Variants in ZSWIM5 observed in about 807,000 individuals in gnomAD.
ZSWIM5 encodes zinc finger SWIM-type containing 5.
ZSWIM5 carries 55 observed loss-of-function variants against 119.6 expected under a neutral mutation model. The ratio of observed to expected loss-of-function variants is 0.46; its 90% CI spans 0.37 to 0.58. ZSWIM5 has a LOEUF of 0.58. ZSWIM5 is among the 20% of genes least tolerant of loss of function. The pLI, the probability that ZSWIM5 is intolerant of heterozygous loss-of-function variation, is 0.00. For synonymous variants in ZSWIM5, 537 were observed against 606.9 expected, an observed-to-expected ratio of 0.88 and a Z score of 1.69; for missense variants, 1,193 against 1,512.8, an observed-to-expected ratio of 0.79 and a Z score of 3.51.
intron 2 of ZSWIM5, among the ~76,000 whole-genome samples, chr1:45,067,724 G>A (rs989500594): frequency 1.3e-5 from 2 of 152,124 alleles, no homozygotes. Context: ...CTCCCAGGCA[G>A]CATCTTTTCT....
intron 2 of ZSWIM5, among the ~76,000 whole-genome samples, chr1:45,078,423 C>T (rs1336293994): frequency 1.3e-5 from 2 of 152,166 alleles, no homozygotes; most frequent in Non-Finnish European, 2.9e-5. Flanking sequence ...CTTGCAGACC[C>T]ATAGAGGTAC....
intron 1 of ZSWIM5, among the ~76,000 whole-genome samples, chr1:45,096,854 G>C (rs911685218): frequency 3.3e-5 from 5 of 152,086 alleles, no homozygotes; most frequent in African/African-American, 9.7e-5. Flanking sequence ...TCTGCTTCCA[G>C]AAAAATCACT....
intron 5 of ZSWIM5, among the ~76,000 whole-genome samples, chr1:45,050,839 C>T (rs929193735): frequency 6.6e-6 from 1 of 152,146 alleles, no homozygotes; most frequent in African/African-American, 2.4e-5. Context: ...GGACATTATG[C>T]TGGGCACTGT....
At chr1:45,192,065 G>C (rs1007717585) in intron 1 of ZSWIM5, among the ~76,000 whole-genome samples, 12 of 152,106 alleles carry the variant, frequency 7.9e-5, no homozygotes. Context: ...TCTGTCTCTA[G>C]GATTTGCCTA....
chr1:45,174,332 A>C (rs150322759), intron 1 of ZSWIM5, among the ~76,000 whole-genome samples: 113 of 152,182 alleles, frequency 7.4e-4, no homozygotes, highest in African/African-American at 2.5e-3. Flanking sequence ...TCTTTTAATA[A>C]AAATAATTGG....
rs1390583985 is a variant in ZSWIM5, at chr1:45,044,826, TATATATATAA to T, written c.1433-1441_1433-1432del. Among the ~76,000 whole-genome samples the T allele has an allele frequency of 6.0e-4, 5 of 8,344 alleles. 1 individual carries two copies. Among genetic ancestry groups the T allele is most frequent in the African/African-American group, 2.1e-3 (5 of 2,358 alleles). The allele number at this position is 8,344 out of a possible 152,430, so 5.5% of individuals were successfully genotyped here. On this transcript the variant is annotated intron_variant, in intron 5 of 13. Coordinates refer to ENST00000359600, the MANE Select transcript of ZSWIM5 (RefSeq NM_020883.2). ...ATAAATATATATATATATATAAATA[TATATATATAA>T]ATATATATATATAGATTAGCCGGGC...
intron 5 of ZSWIM5, among the ~76,000 whole-genome samples, chr1:45,044,596 C>A (rs1221510407): frequency 7.7e-6 from 1 of 129,436 alleles, no homozygotes; most frequent in African/African-American, 2.9e-5. Flanking sequence ...TGGTGGCGGG[C>A]GCCTGTAGTC....
At chr1:45,069,038 C>T (rs977732350) in intron 2 of ZSWIM5, among the ~76,000 whole-genome samples, 1 of 151,724 alleles carries the variant, frequency 6.6e-6, no homozygotes, top group Admixed American at 6.6e-5. Flanking sequence ...TCTTGAACTC[C>T]TGGGCTCATG....
chr1:45,036,017 C>T, intron 9 of ZSWIM5, 22 bp downstream of exon 9: 2 of 1,608,404 alleles, frequency 1.2e-6, no homozygotes, highest in South Asian at 2.2e-5. Context: ...GACACCGTGA[C>T]AAGAGACTCT....
In ZSWIM5 at chr1:45,146,533, C is replaced by T. The variant is rs193086048; in HGVS notation, c.596-58296G>A. On this transcript the variant is annotated intron_variant, in intron 1 of 13. Transcript: ENST00000359600. The stretch of plus-strand genomic sequence containing the variant: ...TGGCTCACTGCAACCTCCGCTTCCC[C>T]GGTTCAAGCAATTCTCGTGCCTCAG... Among the ~76,000 whole-genome samples the T allele has an allele frequency of 4.5e-3, 674 of 149,112 alleles. 8 individuals are homozygous for T. Among genetic ancestry groups the T allele is most frequent in the African/African-American group, 0.016 (633 of 40,312 alleles).
intron 11 of ZSWIM5, among the ~76,000 whole-genome samples, chr1:45,030,683 A>T (rs901508039): frequency 6.6e-6 from 1 of 152,054 alleles, no homozygotes; most frequent in African/African-American, 2.4e-5. Flanking sequence ...TGTCTTTAGA[A>T]TCTGTAGTGA....
chr1:45,112,452 A>C (rs1645524497), intron 1 of ZSWIM5, among the ~76,000 whole-genome samples: 1 of 152,350 alleles, frequency 6.6e-6, no homozygotes, highest in East Asian at 1.9e-4. Flanking sequence ...CAATGAGTTA[A>C]TATGTATGTA....
chr1:45,178,039 G>A (rs1390584609), intron 1 of ZSWIM5, among the ~76,000 whole-genome samples: 1 of 151,804 alleles, frequency 6.6e-6, no homozygotes, highest in Non-Finnish European at 1.5e-5. Flanking sequence ...CCGGCCTTAT[G>A]TGATTTTATC....
chr1:45,028,911 C>T (rs1191587891), intron 11 of ZSWIM5, among the ~76,000 whole-genome samples: 1 of 152,064 alleles, frequency 6.6e-6, no homozygotes, highest in South Asian at 2.1e-4. Context: ...AGGAAGACCT[C>T]GTCTCTACTA....
chr1:45,055,849 T>C (rs1231804563), intron 4 of ZSWIM5, among the ~76,000 whole-genome samples: 1 of 151,858 alleles, frequency 6.6e-6, no homozygotes, highest in Non-Finnish European at 1.5e-5. Context: ...TCAGAAAGAG[T>C]ATGGGCATGT....
chr1:45,136,175 C>T (rs1211256270), intron 1 of ZSWIM5, among the ~76,000 whole-genome samples: 1 of 152,046 alleles, frequency 6.6e-6, no homozygotes, highest in Non-Finnish European at 1.5e-5. Flanking sequence ...TGTGTGAAGT[C>T]TTGGTAGGGC....
rs985954407 is a variant in ZSWIM5 at position 45,017,483 on chromosome 1, A to G, written c.*971T>C. ...TGTGCACATATTCAAACAGGTACACAGCCATAGAACTGACACATACACATA... is the reference window on the plus strand; with the variant it reads ...TGTGCACATATTCAAACAGGTACACGGCCATAGAACTGACACATACACATA... On this transcript the variant is annotated 3_prime_UTR_variant, in exon 14 of 14. Coordinates refer to ENST00000359600, the MANE Select transcript of ZSWIM5 (RefSeq NM_020883.2). 3 of 152,270 alleles carry G rather than the reference A, an allele frequency of 2.0e-5. No individual in the cohort carries two copies. The highest frequency in any genetic ancestry group is 7.2e-5 in the African/African-American group (3 of 41,478). The allele number at this position is 152,270 out of a possible 1,614,324, so 9.4% of individuals were successfully genotyped here.
intron 1 of ZSWIM5, among the ~76,000 whole-genome samples, chr1:45,178,070 A>G (rs1645991573): frequency 6.6e-6 from 1 of 151,980 alleles, no homozygotes; most frequent in African/African-American, 2.4e-5. Context: ...AAGCATCCTC[A>G]GGTCCTAGGG....
chr1:45,050,811 A>G (rs1019871396), intron 5 of ZSWIM5, among the ~76,000 whole-genome samples: 3 of 152,216 alleles, frequency 2.0e-5, no homozygotes, highest in South Asian at 2.1e-4. Context: ...GTAGACCAGG[A>G]GTCACGCAGA....
Sources: allele counts gnomAD v4.1 joint callset (sites outside exome capture counted in the v4.1 genomes callset), GRCh38; gene constraint gnomAD v4.1.1; transcripts MANE v1.5; gene names NCBI Gene and HGNC (gene_info 2026-07-23, HGNC 2026-07-21).